Variants in KCNN2 observed in about 807,000 individuals in gnomAD.
KCNN2 encodes potassium calcium-activated channel subfamily N member 2.
KCNN2 carries 24 observed loss-of-function variants against 55.5 expected under a neutral mutation model. The ratio of observed to expected loss-of-function variants is 0.43; its 90% CI spans 0.31 to 0.61. The LOEUF is 0.61. Ranked by LOEUF, KCNN2 falls within the 20% of genes least tolerant of loss-of-function variation. The probability of loss-of-function intolerance (pLI) is 0.08; values close to 1 mark genes in which losing one functional copy is unlikely to be tolerated. For synonymous variants in KCNN2, 431 were observed against 336.1 expected (o/e 1.28, Z -3.09); for missense variants, 754 against 853.6 (o/e 0.88, Z 1.45).
chr5:114,168,183 A>G (rs1324930443), intron 1 of KCNN2, among the ~76,000 whole-genome samples: 2 of 151,704 alleles, frequency 1.3e-5, no homozygotes, highest in African/African-American at 4.8e-5. Flanking sequence ...ATACACACAC[A>G]CACACACACA....
At chr5:114,144,116 G>A (rs1752347408) in intron 1 of KCNN2, among the ~76,000 whole-genome samples, 1 of 152,160 alleles carries the variant, frequency 6.6e-6, no homozygotes, top group Non-Finnish European at 1.5e-5. Context: ...GCTTGCTTAT[G>A]TCTAAACTTA....
At chr5:114,102,335 A>G (rs1232175605) in intron 1 of KCNN2, among the ~76,000 whole-genome samples, 1 of 151,336 alleles carries the variant, frequency 6.6e-6, no homozygotes, top group Non-Finnish European at 1.5e-5. Context: ...TCTGGATATT[A>G]GCCCTTTGTC....
chr5:114,161,514 C>T (rs573116237), intron 1 of KCNN2, among the ~76,000 whole-genome samples: 57 of 151,688 alleles, frequency 3.8e-4, no homozygotes, highest in Admixed American at 9.9e-4. Context: ...ATCTTTGTGG[C>T]GTTCTCTGTA....
intron 2 of KCNN2, among the ~76,000 whole-genome samples, chr5:114,320,134 GGAAAAGATTCGAGT>G (rs2150029090): frequency 6.6e-6 from 1 of 152,162 alleles, no homozygotes; most frequent in East Asian, 1.9e-4. Context: ...TCATAAAACA[GGAAAAGATTCGAGT>G]ACAGTCATAT....
chr5:114,351,691 A>AT (rs898048169), intron 2 of KCNN2, among the ~76,000 whole-genome samples: 11 of 151,332 alleles, frequency 7.3e-5, no homozygotes, highest in South Asian at 2.1e-4. Flanking sequence ...TTTGTCAAAT[A>AT]TTTTTTCTGT....
chr5:114,117,287 C>T (rs1751725048), intron 1 of KCNN2, among the ~76,000 whole-genome samples: 1 of 152,132 alleles, frequency 6.6e-6, no homozygotes, highest in African/African-American at 2.4e-5. Flanking sequence ...TTCACCTCGT[C>T]TTACAGAGGG....
chr5:114,203,364 C>T (rs183273768), intron 1 of KCNN2, among the ~76,000 whole-genome samples: 5 of 152,264 alleles, frequency 3.3e-5, no homozygotes, highest in South Asian at 4.1e-4. Context: ...ATGTTCCTTG[C>T]GGGATGCTCA....
intron 2 of KCNN2, among the ~76,000 whole-genome samples, chr5:114,278,948 C>T (rs1327440553): frequency 6.6e-6 from 1 of 152,136 alleles, no homozygotes; most frequent in Non-Finnish European, 1.5e-5. Flanking sequence ...CGATCTTCTG[C>T]ATCAATCTCC....
At chr5:114,445,263 A>G (rs570392010) in intron 3 of KCNN2, among the ~76,000 whole-genome samples, 5 of 152,294 alleles carry the variant, frequency 3.3e-5, no homozygotes, top group Non-Finnish European at 7.3e-5. Flanking sequence ...GATCAAATAA[A>G]TCTTTAATAT....
intron 2 of KCNN2, among the ~76,000 whole-genome samples, chr5:114,352,472 C>T (rs61020944): frequency 1.5e-5 from 1 of 66,892 alleles, no homozygotes. Context: ...CTCTTCTTTT[C>T]TCATAAAGTA....
chr5:114,091,799 A>T (rs1751149370), intron 1 of KCNN2, among the ~76,000 whole-genome samples: 2 of 152,108 alleles, frequency 1.3e-5, no homozygotes, highest in Non-Finnish European at 2.9e-5. Context: ...TCTCATGAGA[A>T]CTCACTATAA....
intron 3 of KCNN2, among the ~76,000 whole-genome samples, chr5:114,433,240 C>T (rs561868886): frequency 1.3e-5 from 2 of 152,304 alleles, no homozygotes; most frequent in East Asian, 1.9e-4. Context: ...TTTGTAAATA[C>T]ACCAATCAGC....
chr5:114,136,932 G>C (rs891903459), intron 1 of KCNN2, among the ~76,000 whole-genome samples: 1 of 152,156 alleles, frequency 6.6e-6, no homozygotes, highest in African/African-American at 2.4e-5. Context: ...ATTTCTCAAA[G>C]TCACACAGCT....
rs148973963 is a variant in KCNN2, at chr5:114,399,591, A to G, written c.1219-4847A>G. Among the ~76,000 whole-genome samples, 999 of 152,248 alleles carry G rather than the reference A, an allele frequency of 6.6e-3. 15 individuals carry two copies. Among genetic ancestry groups the G allele is most frequent in the African/African-American group, 0.023 (963 of 41,528 alleles). ...TGTTGTGTCTCTGCCAGGTTTTGGT[A>G]TCAGGTTGATGCTAGCCTCCTGGAA... On this transcript the variant is annotated intron_variant, in intron 2 of 7. Coordinates refer to ENST00000673685, the MANE Select transcript of KCNN2 (RefSeq NM_021614.4).
rs116024240 is a variant in KCNN2, at chr5:114,236,242, G to T, written c.-185+14677G>T. ...AAAGCTACCAATGGTGGCAGATAAT[G>T]GCTAGATTTCTCTTCAATATCCAAA... On this transcript the variant is annotated intron_variant, in intron 2 of 10. Transcript: ENST00000512097. Among the ~76,000 whole-genome samples, 705 of 152,272 alleles carry T rather than the reference G, an allele frequency of 4.6e-3. 5 individuals carry two copies. Among genetic ancestry groups the T allele is most frequent in the African/African-American group, 0.016 (674 of 41,556 alleles).
intron 1 of KCNN2, among the ~76,000 whole-genome samples, chr5:114,120,883 T>C (rs890903155): frequency 6.6e-6 from 1 of 152,244 alleles, no homozygotes; most frequent in South Asian, 2.1e-4. Context: ...ATCTGCTGTA[T>C]GATCCTGAGC....
chr5:114,364,060 C>A (rs146799704), intron 2 of KCNN2, 59 bp downstream of exon 2: 1 of 1,277,914 alleles, frequency 7.8e-7, no homozygotes, highest in Non-Finnish European at 1.1e-6. Context: ...CCTAGAGAAA[C>A]GCAAGGCAGC....
intron 2 of KCNN2, among the ~76,000 whole-genome samples, chr5:114,368,185 A>C (rs1264214030): frequency 6.6e-6 from 1 of 152,148 alleles, no homozygotes; most frequent in Non-Finnish European, 1.5e-5. Context: ...CAAAGTGCTG[A>C]AAATCTTAAG....
intron 2 of KCNN2, among the ~76,000 whole-genome samples, chr5:114,342,099 C>T (rs548480917): frequency 9.9e-5 from 15 of 152,114 alleles, no homozygotes; most frequent in South Asian, 4.2e-4. Flanking sequence ...GACGGGGTTT[C>T]GCCGTGTTAG....
Sources: allele counts gnomAD v4.1 joint callset (sites outside exome capture counted in the v4.1 genomes callset), GRCh38; gene constraint gnomAD v4.1.1; transcripts MANE v1.5; gene names NCBI Gene and HGNC (gene_info 2026-07-23, HGNC 2026-07-21).